Variants in EBI3 observed in about 807,000 individuals in gnomAD.
EBI3 encodes the protein interleukin-27 subunit beta.
In EBI3, 19 loss-of-function variants were observed where a neutral mutation model predicts 21.3. The observed-to-expected ratio is 0.89, with a 90% CI of 0.62 to 1.31. The LOEUF (loss-of-function observed/expected upper bound fraction) is 1.31, where lower values mean the gene tolerates loss of function less well. Among genes scored for constraint, EBI3 ranks in the 50% most tolerant of loss-of-function variants. The pLI, the probability that EBI3 is intolerant of heterozygous loss-of-function variation, is 0.00. For synonymous variants in EBI3, 154 were observed against 131.2 expected (o/e 1.17, Z -1.19); for missense variants, 331 against 314.0 (o/e 1.05, Z -0.41).
chr19:4,236,970 GGGCT>G lies in EBI3; in HGVS notation c.574_577del (p.Ala192CysfsTer22). 7 of 1,544,294 alleles carry G rather than the reference GGGCT, an allele frequency of 4.5e-6. No homozygotes were observed. The highest frequency in any genetic ancestry group is 6.1e-6 in the Non-Finnish European group (7 of 1,141,214). The stretch of plus-strand genomic sequence containing the variant: ...ATTGAAGCCACGTCCTTCATCCTCA[GGGCT>G]GTGCGGCCCCGAGCCAGGTACTACG... On this transcript the variant is annotated frameshift_variant, in exon 5 of 5. Coordinates refer to ENST00000221847, the MANE Select transcript of EBI3 (RefSeq NM_005755.3). LOFTEE classifies it low-confidence loss of function (END_TRUNC).
rs976632034 is a variant in EBI3 at position 4,237,254 on chromosome 19, C to T, written c.*166C>T. 17 of 722,284 alleles carry T rather than the reference C, an allele frequency of 2.4e-5. No homozygotes were observed. The South Asian group carries it at 3.3e-4, about 14-fold the overall frequency. The allele number at this position is 722,284 out of a possible 1,614,324, so 44.7% of individuals were successfully genotyped here. ...AGATGACCGACTTTTCCCTTTGAGC[C>T]TCAGTTTCTCTAGCTGAGAAATGGA... On this transcript the variant is annotated 3_prime_UTR_variant, in exon 5 of 5. Transcript: ENST00000221847.
intron 4 of EBI3, 95 bp downstream of exon 4, chr19:4,234,919 G>T (rs1479110214): frequency 5.2e-6 from 8 of 1,526,182 alleles, no homozygotes; most frequent in Non-Finnish European, 7.1e-6. Flanking sequence ...CTTGCACATA[G>T]CTTGCGATTC....
At chr19:4,233,919 C>T (rs1970813993) in intron 3 of EBI3, among the ~76,000 whole-genome samples, 1 of 152,118 alleles carries the variant, frequency 6.6e-6, no homozygotes, top group South Asian at 2.1e-4. Flanking sequence ...AAATTGCAAG[C>T]TCTGGCTAGG....
In EBI3 at chr19:4,229,609, G is replaced by T; in HGVS notation, c.59G>T (p.Gly20Val). ...VLWASCPPCS[G>V]RKGPPAALTL... is the part of the protein sequence containing the mutation. ...TGGGCCAGCTGCCCGCCCTGCAGTG[G>T]AAGGAAAGGTATGTGGGGCCCCTGG... The change falls in exon 1 of 5, where the codon GGA becomes GTA. Residue 20 changes from glycine to valine, a missense_variant. Gly to Val is a moderately radical substitution (Grantham distance 109). Coordinates refer to ENST00000221847, the MANE Select transcript of EBI3 (RefSeq NM_005755.3). 1 of 1,608,548 alleles carries T rather than the reference G, an allele frequency of 6.2e-7. No individual in the cohort carries two copies.
In EBI3 at chr19:4,231,182, T is replaced by G; in HGVS notation, c.68-9T>G. The G allele has an allele frequency of 6.4e-7, 1 of 1,569,516 alleles. No individual in the cohort carries two copies. The highest frequency in any genetic ancestry group is 8.6e-7 in the Non-Finnish European group (1 of 1,160,644). ...AAACCAGAAGCTCACTCTTTCTGTC[T>G]TCCTCCAGGGCCCCCAGCAGCTCTG... On this transcript the variant is annotated splice_polypyrimidine_tract_variant and intron_variant, in intron 1 of 4. Coordinates refer to ENST00000221847, the MANE Select transcript of EBI3 (RefSeq NM_005755.3).
intron 2 of EBI3, 76 bp from the exon 3 acceptor site, chr19:4,233,053 G>A (rs1049662129): frequency 8.4e-5 from 117 of 1,399,000 alleles, no homozygotes; most frequent in Non-Finnish European, 1.0e-4. Context: ...TTGGGGTCCC[G>A]GGTCAGGCCC....
At chr19:4,234,542 GAC>G in intron 3 of EBI3, 123 bp from the exon 4 acceptor site, 2 of 1,441,520 alleles carry the variant, frequency 1.4e-6, no homozygotes, top group South Asian at 2.7e-5. Flanking sequence ...CAGCCTGGGT[GAC>G]AGAGTGAGAC....
chr19:4,231,549 T>A (rs2144674665), intron 2 of EBI3, among the ~76,000 whole-genome samples: 1 of 147,666 alleles, frequency 6.8e-6, no homozygotes, highest in South Asian at 2.2e-4. Context: ...GTGGGCAGAT[T>A]GCTTGAGGTC....
rs894399043 is a variant in EBI3 at position 4,237,393 on chromosome 19, C to T, written c.*305C>T. ...AGAAAAGAATTGTTGTTGGGCTGGG[C>T]GCAGTGGATCGCACCTGTAATCCCA... is the stretch of plus-strand genomic sequence containing the variant. On this transcript the variant is annotated 3_prime_UTR_variant, in exon 5 of 5. Coordinates refer to ENST00000221847, the MANE Select transcript of EBI3 (RefSeq NM_005755.3). 1.6e-5 allele frequency: 3 copies of T among 189,726 alleles called. No individual in the cohort carries two copies. The highest frequency in any genetic ancestry group is 6.1e-5 in the Admixed American group (1 of 16,334). 11.8% of individuals were successfully genotyped at this position (189,726 alleles called of 1,614,324 possible).
chr19:4,232,578 G>C lies in EBI3; in HGVS notation c.201-551G>C, dbSNP rs138673490. ...TCTGTAGAAAAAAAATTTAAAATTAGCCAAGAGTGGTGATGCGTGCCTGTA... is the reference window on the plus strand; with the variant it reads ...TCTGTAGAAAAAAAATTTAAAATTACCCAAGAGTGGTGATGCGTGCCTGTA... On this transcript the variant is annotated intron_variant, in intron 2 of 4. Coordinates refer to ENST00000221847, the MANE Select transcript of EBI3 (RefSeq NM_005755.3). 5.6e-3 allele frequency among the ~76,000 whole-genome samples: 846 copies of C among 151,278 alleles called. 6 individuals carry two copies. The highest frequency in any genetic ancestry group is 0.02 in the African/African-American group (808 of 41,350).
intron 1 of EBI3, among the ~76,000 whole-genome samples, chr19:4,230,175 C>T (rs1044471361): frequency 6.6e-6 from 1 of 152,136 alleles, no homozygotes; most frequent in Non-Finnish European, 1.5e-5. Flanking sequence ...CCACCCACCT[C>T]GGGCTCCCAA....
chr19:4,233,595 C>T (rs1160357817), intron 3 of EBI3, among the ~76,000 whole-genome samples: 2 of 152,138 alleles, frequency 1.3e-5, no homozygotes, highest in African/African-American at 4.8e-5. Context: ...CTACAGCCCT[C>T]CATGGCTCCC....
chr19:4,232,244 AAG>A (rs1453448392), intron 2 of EBI3, among the ~76,000 whole-genome samples: 41 of 84,576 alleles, frequency 4.8e-4, no homozygotes, highest in African/African-American at 2.0e-3. Context: ...AAAAAAAAAA[AAG>A]AAAAGAAAAG....
intron 2 of EBI3, 31 bp from the exon 3 acceptor site, chr19:4,233,098 T>C (rs117467902): frequency 0.066 from 101,966 of 1,535,896 alleles, 6,456 homozygotes; most frequent in South Asian, 0.29. Flanking sequence ...AGGCACTCCC[T>C]GAGGCGCTCA....
In EBI3 at chr19:4,234,136, G is replaced by A. The variant is rs1158267839; in HGVS notation, c.380-531G>A. Among the ~76,000 whole-genome samples, 6 of 152,338 alleles carry A rather than the reference G, an allele frequency of 3.9e-5. No homozygotes were observed. The East Asian group carries it at 1.2e-3, about 29-fold the overall frequency. ...CACGAGAATCACTTGAACCCAGGAG[G>A]TGGAGGTTGCCGTGAGCTGAGATTG... is the stretch of plus-strand genomic sequence containing the variant. On this transcript the variant is annotated intron_variant, in intron 3 of 4. Transcript: ENST00000221847.
In EBI3 at chr19:4,229,574, C is replaced by G. The variant is rs1364261795; in HGVS notation, c.24C>G (p.Ala8=). 1 of 1,611,524 alleles carries G rather than the reference C, an allele frequency of 6.2e-7. No individual in the cohort carries two copies. The highest frequency in any genetic ancestry group is 1.3e-5 in the African/African-American group (1 of 75,028). Residue 8 remains alanine (A), a synonymous_variant, in exon 1 of 5, where the codon GCC becomes GCG. Coordinates refer to ENST00000221847, the MANE Select transcript of EBI3 (RefSeq NM_005755.3). MTPQLLL[A]LVLWASCPPC... ...CCATGACCCCGCAGCTTCTCCTGGC[C>G]CTTGTCCTCTGGGCCAGCTGCCCGC...
Position 4,237,150 on chromosome 19 carries a change from C to A in EBI3, c.*62C>A, listed in dbSNP as rs1970848157. 1 of 1,404,056 alleles carries A rather than the reference C, an allele frequency of 7.1e-7. No homozygotes were observed. Among genetic ancestry groups the A allele is most frequent in the Admixed American group, 2.6e-5 (1 of 38,088 alleles). The allele number at this position is 1,404,056 out of a possible 1,614,324, so 87.0% of individuals were successfully genotyped here. On this transcript the variant is annotated 3_prime_UTR_variant, in exon 5 of 5. Coordinates refer to ENST00000221847, the MANE Select transcript of EBI3 (RefSeq NM_005755.3). Reference sequence around the variant, plus strand: ...CCTCGCCACCCTAAGCCCCGGGACACCTGTTGGAGGGCGGATGGGATCTGC... The same window carrying A: ...CCTCGCCACCCTAAGCCCCGGGACAACTGTTGGAGGGCGGATGGGATCTGC...
intron 1 of EBI3, among the ~76,000 whole-genome samples, chr19:4,229,928 G>A (rs1256816083): frequency 1.3e-5 from 2 of 152,000 alleles, no homozygotes; most frequent in Non-Finnish European, 2.9e-5. Flanking sequence ...TTTCTTTTTG[G>A]TTTTGTTTTT....
chr19:4,234,677 C>G lies in EBI3; in HGVS notation c.390C>G (p.Asp130Glu). ...CTGCTTGTCCGTCAGTCAAGCCCGA[C>G]CCTCCAGAAGGCGTGCGCCTAAGCC... ...PFITEHIIKP[D>E]PPEGVRLSPL... is the part of the protein sequence containing the mutation. The change falls in exon 4 of 5, where the codon GAC (aspartate) becomes GAG (glutamate). Residue 130 changes from aspartate (D) to glutamate (E), a missense_variant. Transcript: ENST00000221847. 6.2e-7 allele frequency: 1 copy of G among 1,612,940 alleles called. No homozygotes were observed. Among genetic ancestry groups the G allele is most frequent in the South Asian group, 1.1e-5 (1 of 91,038 alleles).
Sources: gnomAD v4.1 joint callset for allele counts (sites outside exome capture counted in the v4.1 genomes callset) on GRCh38, gnomAD v4.1.1 for gene constraint, MANE v1.5 for transcripts, NCBI Gene and HGNC (gene_info 2026-07-23, HGNC 2026-07-21) for gene names.